The following LARGE1 variants were observed in gnomAD, a reference collection of about 807,000 sequenced individuals.
LARGE1 encodes the protein LARGE xylosyl- and glucuronyltransferase 1.
Under a neutral mutation model 87.6 loss-of-function variants are expected in LARGE1, and 43 were observed. The ratio of observed to expected loss-of-function variants is 0.49; its 90% confidence interval spans 0.38 to 0.63. The LOEUF (loss-of-function observed/expected upper bound fraction) is 0.63, where lower values mean the gene tolerates loss of function less well. LARGE1 is among the 30% of genes least tolerant of loss of function. LARGE1 has a pLI of 0.00. For synonymous variants in LARGE1, 434 were observed against 394.6 expected, an observed-to-expected ratio of 1.10 and a Z score of -1.18; for missense variants, 802 against 1,000.2, an observed-to-expected ratio of 0.80 and a Z score of 2.67.
At chr22:33,089,368 T>TCTTCTTCTTCTTCTCCTCCTC in the LARGE1 span, among the ~76,000 whole-genome samples, 7 of 78,284 alleles carry the variant, frequency 8.9e-5, no homozygotes, top group African/African-American at 2.9e-4. Context: ...TTCTTCTTCT[T>TCTTCTTCTTCTTCTCCTCCTC]CTCCTTCTTC....
At chr22:33,090,845 T>C in the LARGE1 span, among the ~76,000 whole-genome samples, 1 of 152,332 alleles carries the variant, frequency 6.6e-6, no homozygotes, top group Admixed American at 6.5e-5. Context: ...TTGAATTCTT[T>C]CCAAAGCATT....
At chr22:33,576,287 A>T (rs1050307934) in intron 5 of LARGE1, among the ~76,000 whole-genome samples, 5 of 152,250 alleles carry the variant, frequency 3.3e-5, no homozygotes, top group Admixed American at 2.0e-4. Context: ...GGATATACTG[A>T]TGCACCTGCT....
chr22:33,871,591 C>G (rs1326497168), intron 1 of LARGE1, among the ~76,000 whole-genome samples: 1 of 152,142 alleles, frequency 6.6e-6, no homozygotes, highest in Non-Finnish European at 1.5e-5. Flanking sequence ...CAGACCTTTA[C>G]CCTTAATTTC....
At chr22:33,069,245 A>G in the LARGE1 span, among the ~76,000 whole-genome samples, 1 of 152,150 alleles carries the variant, frequency 6.6e-6, no homozygotes, top group African/African-American at 2.4e-5. Context: ...AAGGCAATGA[A>G]GCATAGTGAT....
chr22:33,277,035 C>T, intron 14 of LARGE1, 25 bp downstream of exon 14: 1 of 1,610,912 alleles, frequency 6.2e-7, no homozygotes, highest in Non-Finnish European at 8.5e-7. Context: ...TCGACCATAC[C>T]AGGTGGATGC....
intron 6 of LARGE1, among the ~76,000 whole-genome samples, chr22:33,487,605 A>G (rs1003810471): frequency 6.6e-6 from 1 of 152,160 alleles, no homozygotes; most frequent in Non-Finnish European, 1.5e-5. Flanking sequence ...AGACTTACTG[A>G]TCAAGAAAGA....
chr22:33,219,566 G>A (rs1925362852), intron 11 of LARGE1, among the ~76,000 whole-genome samples: 1 of 152,202 alleles, frequency 6.6e-6, no homozygotes. Flanking sequence ...TTGCATAGGT[G>A]AATGAACAAA....
chr22:33,292,048 C>T (rs181578115), intron 12 of LARGE1, among the ~76,000 whole-genome samples: 2 of 152,130 alleles, frequency 1.3e-5, no homozygotes, highest in Admixed American at 6.5e-5. Context: ...GAGCCGAGAT[C>T]GTGCCACTGT....
chr22:33,440,409 C>T (rs1569164746), intron 6 of LARGE1, among the ~76,000 whole-genome samples: 2 of 152,102 alleles, frequency 1.3e-5, no homozygotes, highest in Admixed American at 6.6e-5. Flanking sequence ...AGCTCCTGGG[C>T]ACACAGAGGA....
the LARGE1 span, among the ~76,000 whole-genome samples, chr22:33,071,389 G>C: frequency 1.3e-5 from 2 of 152,152 alleles, no homozygotes; most frequent in African/African-American, 4.8e-5. Flanking sequence ...GTTTATACAC[G>C]TTGTTAAAGT....
chr22:33,663,245 A>G (rs1323422717), intron 2 of LARGE1, among the ~76,000 whole-genome samples: 1 of 152,208 alleles, frequency 6.6e-6, no homozygotes, highest in Non-Finnish European at 1.5e-5. Flanking sequence ...CATGTTACCA[A>G]GAGCAAGATA....
chr22:33,642,078 C>T (rs1453522924), intron 3 of LARGE1, among the ~76,000 whole-genome samples: 2 of 152,042 alleles, frequency 1.3e-5, no homozygotes, highest in Non-Finnish European at 2.9e-5. Flanking sequence ...GACACATAAT[C>T]GTCAGATTCT....
At chr22:33,878,694 G>T (rs541877492) in intron 1 of LARGE1, among the ~76,000 whole-genome samples, 6 of 152,100 alleles carry the variant, frequency 3.9e-5, no homozygotes, top group African/African-American at 1.4e-4. Context: ...TCTTCCTGGT[G>T]CTCAACACTC....
intron 11 of LARGE1, among the ~76,000 whole-genome samples, chr22:33,234,533 C>CTTTGT (rs140006995): frequency 0.077 from 11,623 of 151,654 alleles, 539 homozygotes; most frequent in Middle Eastern, 0.13. Flanking sequence ...TTTTTTGTTT[C>CTTTGT]TTTGTTTTGT....
rs375030523 is a variant in LARGE1, at chr22:33,338,408, G to A, written c.1132-607C>T. On this transcript the variant is annotated intron_variant, in intron 9 of 14. Transcript: ENST00000397394. ...GCCCAGTGATGCTGCCTCTGGAATCGGTTGGTGATGCCATCCTAGAGGTCT... is the reference window on the plus strand; with the variant it reads ...GCCCAGTGATGCTGCCTCTGGAATCAGTTGGTGATGCCATCCTAGAGGTCT... 6.0e-4 allele frequency among the ~76,000 whole-genome samples: 92 copies of A among 152,154 alleles called. No individual in the cohort carries two copies. In the South Asian group the frequency reaches 0.017, roughly 28 times the overall value.
chr22:33,089,359 T>TCTTCTC, the LARGE1 span, among the ~76,000 whole-genome samples: 13 of 89,532 alleles, frequency 1.5e-4, no homozygotes, highest in African/African-American at 2.4e-4. Context: ...TTCTTCTTCT[T>TCTTCTC]CTTCTTCTTC....
At chr22:33,643,340 G>T (rs2149148605) in intron 3 of LARGE1, among the ~76,000 whole-genome samples, 1 of 152,270 alleles carries the variant, frequency 6.6e-6, no homozygotes, top group Non-Finnish European at 1.5e-5. Context: ...TAAGTTCTCT[G>T]AAACCAATGA....
intron 6 of LARGE1, among the ~76,000 whole-genome samples, chr22:33,439,479 C>G (rs1350290182): frequency 1.3e-5 from 2 of 152,122 alleles, no homozygotes; most frequent in East Asian, 1.9e-4. Context: ...CTGATGTACT[C>G]CCTCTGAACA....
chr22:33,099,842 G>A, the LARGE1 span, among the ~76,000 whole-genome samples: 37 of 152,338 alleles, frequency 2.4e-4, no homozygotes, highest in African/African-American at 7.0e-4. Context: ...GTGATTCCAT[G>A]CTTCCTATGA....
Sources: allele counts gnomAD v4.1 joint callset (sites outside exome capture counted in the v4.1 genomes callset), GRCh38; gene constraint gnomAD v4.1.1; transcripts MANE v1.5; gene names NCBI Gene and HGNC (gene_info 2026-07-23, HGNC 2026-07-21).